The following MDGA2 variants were observed in gnomAD, a reference collection of about 807,000 sequenced individuals.
MDGA2 encodes the protein MAM domain containing glycosylphosphatidylinositol anchor 2.
MDGA2 carries 40 observed loss-of-function variants against 117.8 expected under a neutral mutation model. That is an observed-to-expected ratio of 0.34 (90% CI 0.26 to 0.44). The LOEUF is 0.44. Ranked by LOEUF, MDGA2 falls within the 20% of genes least tolerant of loss-of-function variation. MDGA2 has a pLI of 1.00. For synonymous variants in MDGA2, 452 were observed against 439.0 expected (o/e 1.03, Z -0.37); for missense variants, 1,123 against 1,250.6 (o/e 0.90, Z 1.54).
chr14:47,670,668 T>G (rs572823412), intron 1 of MDGA2, among the ~76,000 whole-genome samples: 69 of 152,274 alleles, frequency 4.5e-4, no homozygotes, highest in African/African-American at 1.6e-3. Flanking sequence ...CATCGATTAG[T>G]TATCCTAAAT....
At chr14:47,566,076 G>C (rs1029986175) in intron 1 of MDGA2, among the ~76,000 whole-genome samples, 1 of 152,206 alleles carries the variant, frequency 6.6e-6, no homozygotes, top group African/African-American at 2.4e-5. Flanking sequence ...GGAAGGAGAG[G>C]CAAGGTTTGC....
chr14:46,957,105 G>A (rs1340402231), intron 9 of MDGA2, among the ~76,000 whole-genome samples: 1 of 152,068 alleles, frequency 6.6e-6, no homozygotes, highest in Non-Finnish European at 1.5e-5. Flanking sequence ...AGCACTGTGA[G>A]AATTGACTAA....
At chr14:47,566,290 A>G (rs1254935862) in intron 1 of MDGA2, among the ~76,000 whole-genome samples, 3 of 152,154 alleles carry the variant, frequency 2.0e-5, no homozygotes, top group Non-Finnish European at 2.9e-5. Flanking sequence ...AGGCACCTCA[A>G]TTGGGCATCC....
intron 1 of MDGA2, among the ~76,000 whole-genome samples, chr14:47,303,840 T>A (rs747149094): frequency 1.3e-5 from 2 of 152,150 alleles, no homozygotes; most frequent in Non-Finnish European, 2.9e-5. Context: ...TGTTTTAATT[T>A]CAAATCAATG....
intron 8 of MDGA2, among the ~76,000 whole-genome samples, chr14:46,989,070 A>C (rs887558999): frequency 1.3e-5 from 2 of 152,244 alleles, no homozygotes; most frequent in Admixed American, 6.5e-5. Flanking sequence ...AGTACTTTAC[A>C]TGAACAAAAA....
chr14:47,426,736 A>G (rs1167945123), intron 1 of MDGA2, among the ~76,000 whole-genome samples: 1 of 148,772 alleles, frequency 6.7e-6, no homozygotes, highest in Non-Finnish European at 1.5e-5. Context: ...CACGCAGTGA[A>G]CAACATAGTT....
chr14:47,044,934 C>T (rs778697118), intron 7 of MDGA2, among the ~76,000 whole-genome samples: 24 of 152,110 alleles, frequency 1.6e-4, no homozygotes, highest in Admixed American at 3.9e-4. Flanking sequence ...TGGAGGGTAG[C>T]AACTCTAAAA....
At chr14:47,668,009 T>C (rs1457591524) in intron 1 of MDGA2, among the ~76,000 whole-genome samples, 11 of 152,184 alleles carry the variant, frequency 7.2e-5, no homozygotes, top group Admixed American at 5.2e-4. Context: ...CATACCATAA[T>C]ATGTATTTAA....
In MDGA2 at chr14:46,971,710, ATAGT is replaced by A. The variant is rs1250801537; in HGVS notation, c.1820-14071_1820-14068del. ...ATAAAAATAGCTAAAAGACAGGTAT[ATAGT>A]TAAAGAGGTAAACAGTTAAAAAATA... is the stretch of plus-strand genomic sequence containing the variant. On this transcript the variant is annotated intron_variant, in intron 8 of 16. Coordinates refer to ENST00000399232, the MANE Select transcript of MDGA2 (RefSeq NM_001113498.3). Among the ~76,000 whole-genome samples the A allele has an allele frequency of 2.0e-5, 3 of 152,218 alleles. No individual in the cohort carries two copies. In the East Asian group the frequency reaches 5.8e-4, roughly 29 times the overall value.
At chr14:46,845,952 A>T in intron 15 of MDGA2, 81 bp from the exon 16 acceptor site, 2 of 1,013,568 alleles carry the variant, frequency 2.0e-6, no homozygotes, top group East Asian at 2.5e-5. Context: ...AGGTGACAAA[A>T]ATAAACTTGT....
chr14:46,949,188 T>C (rs940842327), intron 9 of MDGA2, among the ~76,000 whole-genome samples: 3 of 152,054 alleles, frequency 2.0e-5, no homozygotes, highest in Non-Finnish European at 4.4e-5. Flanking sequence ...AGAGCTAATC[T>C]GTTAGAAGAT....
In MDGA2 at chr14:47,354,897, T is replaced by C. The variant is rs533528739; in HGVS notation, c.281-53347A>G. 6.6e-5 allele frequency among the ~76,000 whole-genome samples: 10 copies of C among 152,158 alleles called. No homozygotes were observed. In the East Asian group the frequency reaches 1.7e-3, roughly 26 times the overall value. On this transcript the variant is annotated intron_variant, in intron 1 of 16. Transcript: ENST00000399232. ...TGGGTTTAAGGTCTTTAGGTGTGTGTGGTGGGCGAGACATTTCCCAAAACC... is the reference window on the plus strand; with the variant it reads ...TGGGTTTAAGGTCTTTAGGTGTGTGCGGTGGGCGAGACATTTCCCAAAACC...
intron 1 of MDGA2, among the ~76,000 whole-genome samples, chr14:47,572,196 T>A (rs1326862937): frequency 6.6e-6 from 1 of 152,208 alleles, no homozygotes; most frequent in Non-Finnish European, 1.5e-5. Context: ...ACATTGCTGA[T>A]TTTTCTTCTC....
intron 14 of MDGA2, chr14:46,871,169 G>C (rs888042259): frequency 2.0e-5 from 3 of 151,766 alleles, no homozygotes; most frequent in African/African-American, 4.8e-5. Context: ...TCCTTTCATT[G>C]GTTCTTTAAG....
chr14:47,010,659 C>T (rs1887867559), intron 8 of MDGA2, among the ~76,000 whole-genome samples: 1 of 151,906 alleles, frequency 6.6e-6, no homozygotes, highest in Non-Finnish European at 1.5e-5. Flanking sequence ...GTTGACTCGC[C>T]TAAGTGTCCC....
chr14:47,186,095 G>A (rs1168049573), intron 3 of MDGA2, among the ~76,000 whole-genome samples: 2 of 151,144 alleles, frequency 1.3e-5, no homozygotes, highest in Non-Finnish European at 3.0e-5. Flanking sequence ...TAAAAAATTC[G>A]GGGCCAAATT....
At chr14:47,022,275 T>TG (rs923240327) in intron 8 of MDGA2, among the ~76,000 whole-genome samples, 9 of 152,026 alleles carry the variant, frequency 5.9e-5, no homozygotes, top group African/African-American at 2.2e-4. Flanking sequence ...TTTGCAGAGA[T>TG]GGGGTGTTTC....
intron 8 of MDGA2, among the ~76,000 whole-genome samples, chr14:46,995,088 T>C (rs1391338148): frequency 2.6e-5 from 4 of 152,168 alleles, no homozygotes; most frequent in African/African-American, 9.7e-5. Context: ...TAAAATAGCA[T>C]TTCTCTGATC....
At chr14:46,953,305 C>A (rs1490420394) in intron 9 of MDGA2, among the ~76,000 whole-genome samples, 1 of 141,162 alleles carries the variant, frequency 7.1e-6, no homozygotes, top group African/African-American at 2.4e-5. Context: ...TATATATACA[C>A]TGTTAACTTT....
Sources: allele counts gnomAD v4.1 joint callset (sites outside exome capture counted in the v4.1 genomes callset), GRCh38; gene constraint gnomAD v4.1.1; transcripts MANE v1.5; gene names NCBI Gene and HGNC (gene_info 2026-07-23, HGNC 2026-07-21).